The following TTC39C variants were observed in gnomAD, a reference collection of about 807,000 sequenced individuals.
TTC39C encodes the protein tetratricopeptide repeat domain 39C.
TTC39C carries 33 observed loss-of-function variants against 76.3 expected under a neutral mutation model. That is an observed-to-expected ratio of 0.43 (90% CI 0.33 to 0.58). TTC39C has a LOEUF of 0.58. TTC39C is among the 20% of genes least tolerant of loss of function. The pLI, the probability that TTC39C is intolerant of heterozygous loss-of-function variation, is 0.04. For synonymous variants in TTC39C, 254 were observed against 260.6 expected, an observed-to-expected ratio of 0.97 and a Z score of 0.24; for missense variants, 595 against 701.4, an observed-to-expected ratio of 0.85 and a Z score of 1.71.
At chr18:24,019,924 G>C (rs2145651100) in intron 1 of TTC39C, 1 of 1,520,528 alleles carries the variant, frequency 6.6e-7, no homozygotes, top group Non-Finnish European at 8.8e-7. Context: ...GCGCTTGTAA[G>C]AGATGTTGAG....
intron 4 of TTC39C, among the ~76,000 whole-genome samples, chr18:24,075,300 TA>T (rs60318513): frequency 4.7e-3 from 670 of 143,746 alleles, no homozygotes; most frequent in Middle Eastern, 0.011. Flanking sequence ...AAAGTATAAT[TA>T]AAAAAAAAAA....
At chr18:23,999,254 G>T (rs2083293204) in intron 1 of TTC39C, among the ~76,000 whole-genome samples, 1 of 152,148 alleles carries the variant, frequency 6.6e-6, no homozygotes, top group African/African-American at 2.4e-5. Flanking sequence ...CTGAGGCCAA[G>T]TTTAAGGTAT....
chr18:23,993,753 A>G (rs1182114371), intron 1 of TTC39C, among the ~76,000 whole-genome samples: 3 of 152,234 alleles, frequency 2.0e-5, no homozygotes, highest in African/African-American at 7.2e-5. Flanking sequence ...TTCACTACAT[A>G]TTATAAACTG....
At chr18:24,088,897 C>T (rs1462824249) in intron 6 of TTC39C, among the ~76,000 whole-genome samples, 1 of 152,206 alleles carries the variant, frequency 6.6e-6, no homozygotes, top group East Asian at 1.9e-4. Context: ...TGTCTCTGGA[C>T]CTTACTTCCA....
chr18:24,098,654 A>T (rs2084630979), intron 6 of TTC39C, among the ~76,000 whole-genome samples: 1 of 147,940 alleles, frequency 6.8e-6, no homozygotes, highest in Non-Finnish European at 1.5e-5. Context: ...CTCTTTTTAG[A>T]TGGAGTCTCG....
rs762929866 is a variant in TTC39C at position 24,125,462 on chromosome 18, G to A, written c.1332G>A (p.Ala444=). 1.2e-5 allele frequency: 19 copies of A among 1,613,992 alleles called. No individual in the cohort carries two copies. Among genetic ancestry groups the A allele is most frequent in the East Asian group, 2.2e-5 (1 of 44,892 alleles). The change falls in exon 10 of 14, where the codon GCG becomes GCA. Residue 444 remains alanine (A), a synonymous_variant. Coordinates refer to ENST00000317571, the MANE Select transcript of TTC39C (RefSeq NM_001135993.2). Reference sequence around the variant, plus strand: ...TTCGGAAGCAAACCCCAACCAAAGCGCTCTGTGTGTTGGCGTCTATTGAAG... The same window carrying A: ...TTCGGAAGCAAACCCCAACCAAAGCACTCTGTGTGTTGGCGTCTATTGAAG... The part of the protein sequence containing the change: ...ERFRKQTPTK[A]LCVLASIEVL...
intron 1 of TTC39C, among the ~76,000 whole-genome samples, chr18:24,056,892 A>T (rs569945907): frequency 2.6e-5 from 4 of 152,206 alleles, no homozygotes; most frequent in South Asian, 4.1e-4. Flanking sequence ...TATGTTGCCC[A>T]GGCTGGTTTG....
rs1218689781 is a variant in TTC39C, at chr18:24,090,797, CTTTTTTT to C, written c.984+7736_984+7742del. Among the ~76,000 whole-genome samples, 433 of 79,542 alleles carry C rather than the reference CTTTTTTT, an allele frequency of 5.4e-3. 2 individuals are homozygous for C. The highest frequency in any genetic ancestry group is 0.02 in the African/African-American group (360 of 17,870). 52.2% of individuals were successfully genotyped at this position (79,542 alleles called of 152,430 possible). Reference sequence around the variant, plus strand: ...AAATCTTACATTTATGATTAATTTACTTTTTTTTTTTTTTTTTTTTTTTTTTGGAGAC... The same window carrying C: ...AAATCTTACATTTATGATTAATTTACTTTTTTTTTTTTTTTTTTTGGAGAC... On this transcript the variant is annotated intron_variant, in intron 6 of 13. Coordinates refer to ENST00000317571, the MANE Select transcript of TTC39C (RefSeq NM_001135993.2).
intron 1 of TTC39C, among the ~76,000 whole-genome samples, chr18:24,034,919 A>G (rs1478001746): frequency 2.0e-5 from 3 of 152,208 alleles, no homozygotes; most frequent in Non-Finnish European, 4.4e-5. Context: ...GCTATTGTGA[A>G]CAATGCTTCT....
At chr18:24,061,520 A>G (rs1159759845) in intron 1 of TTC39C, among the ~76,000 whole-genome samples, 1 of 150,528 alleles carries the variant, frequency 6.6e-6, no homozygotes, top group African/African-American at 2.4e-5. Flanking sequence ...CATTTTGTGT[A>G]GAGACACATG....
intron 6 of TTC39C, among the ~76,000 whole-genome samples, chr18:24,084,637 C>T (rs2084419030): frequency 1.3e-5 from 2 of 151,826 alleles, no homozygotes; most frequent in Non-Finnish European, 2.9e-5. Flanking sequence ...TTGTGTTTCT[C>T]CCTTTTTTCT....
At chr18:24,081,259 G>A (rs1352514706) in intron 5 of TTC39C, among the ~76,000 whole-genome samples, 1 of 152,136 alleles carries the variant, frequency 6.6e-6, no homozygotes, top group Non-Finnish European at 1.5e-5. Context: ...TTGGACTTAG[G>A]AGGTACAAAT....
intron 1 of TTC39C, among the ~76,000 whole-genome samples, chr18:24,045,997 G>A (rs1254043159): frequency 3.1e-5 from 4 of 130,484 alleles, no homozygotes; most frequent in South Asian, 5.3e-4. Flanking sequence ...GGAGTGCGAC[G>A]GCACAATCTC....
Position 24,045,937 on chromosome 18 carries a change from T to A in TTC39C, c.168-18203T>A, listed in dbSNP as rs1342987239. Among the ~76,000 whole-genome samples, 265 of 85,538 alleles carry A rather than the reference T, an allele frequency of 3.1e-3. 6 individuals carry two copies. The highest frequency in any genetic ancestry group is 0.012 in the African/African-American group (238 of 19,276). The allele number at this position is 85,538 out of a possible 152,430, so 56.1% of individuals were successfully genotyped here. ...TATATATATATATATATTTTTTTTTTTTTTTTTTTTTTTTTTTTTGAGACG... is the reference window on the plus strand; with the variant it reads ...TATATATATATATATATTTTTTTTTATTTTTTTTTTTTTTTTTTTGAGACG... On this transcript the variant is annotated intron_variant, in intron 1 of 13. Transcript: ENST00000317571.
intron 6 of TTC39C, among the ~76,000 whole-genome samples, chr18:24,099,063 A>T (rs2084641900): frequency 6.9e-6 from 1 of 145,356 alleles, no homozygotes; most frequent in Non-Finnish European, 1.5e-5. Context: ...ACGTATATAC[A>T]TATAACATAT....
At chr18:24,091,761 T>TACA (rs1196599717) in intron 6 of TTC39C, among the ~76,000 whole-genome samples, 1 of 152,076 alleles carries the variant, frequency 6.6e-6, no homozygotes, top group Non-Finnish European at 1.5e-5. Flanking sequence ...AAAGAACTGT[T>TACA]ACAACTCAAT....
At chr18:24,096,402 C>T (rs567122910) in intron 6 of TTC39C, among the ~76,000 whole-genome samples, 52 of 152,242 alleles carry the variant, frequency 3.4e-4, no homozygotes, top group African/African-American at 4.6e-4. Context: ...TGCCTTTAAT[C>T]GTAGGAACTT....
At chr18:24,128,149 T>C (rs2085073765) in intron 10 of TTC39C, among the ~76,000 whole-genome samples, 1 of 152,186 alleles carries the variant, frequency 6.6e-6, no homozygotes, top group South Asian at 2.1e-4. Flanking sequence ...GCCTGGCAAA[T>C]AGTAGGCTCT....
intron 4 of TTC39C, among the ~76,000 whole-genome samples, chr18:24,074,854 A>G (rs991015949): frequency 1.3e-5 from 2 of 152,202 alleles, no homozygotes; most frequent in Non-Finnish European, 1.5e-5. Flanking sequence ...ATGCACATGT[A>G]TGTTTATTGC....
Sources: allele counts gnomAD v4.1 joint callset (sites outside exome capture counted in the v4.1 genomes callset), GRCh38; gene constraint gnomAD v4.1.1; transcripts MANE v1.5; gene names NCBI Gene and HGNC (gene_info 2026-07-23, HGNC 2026-07-21).